Variants in PCDHGC5 observed in about 807,000 individuals in gnomAD.
PCDHGC5 encodes protocadherin gamma subfamily C, 5.
PCDHGC5 carries 25 observed loss-of-function variants against 59.0 expected under a neutral mutation model. That is an observed-to-expected ratio of 0.42 (90% CI 0.31 to 0.59). The LOEUF is 0.59. PCDHGC5 is among the 20% of genes least tolerant of loss of function. The probability of loss-of-function intolerance (pLI) is 0.13; values close to 1 mark genes in which losing one functional copy is unlikely to be tolerated. For missense variants in PCDHGC5, 1,067 were observed against 1,206.4 expected, an observed-to-expected ratio of 0.88 and a Z score of 1.71; for synonymous variants, 434 against 505.5, an observed-to-expected ratio of 0.86 and a Z score of 1.90.
Position 141,493,957 on chromosome 5 carries a change from G to A in PCDHGC5, c.2461-850G>A, listed in dbSNP as rs1360777586. 6.6e-6 allele frequency among the ~76,000 whole-genome samples: 1 copy of A among 152,228 alleles called. No individual in the cohort carries two copies. The highest frequency in any genetic ancestry group is 2.4e-5 in the African/African-American group (1 of 41,458). On this transcript the variant is annotated intron_variant, in intron 1 of 3. Coordinates refer to ENST00000252087, the MANE Select transcript of PCDHGC5 (RefSeq NM_018929.3). This position sits in a 1 kb window ranked among gnomAD's most constrained non-coding sequence, Gnocchi z 4.3. ...AGACCAGAAGGGACTCAGGAATGAA[G>A]TGGCTGGCCAGAGCCCCACACCTTC... is the stretch of plus-strand genomic sequence containing the variant.
chr5:141,494,775 A>G (rs1202233200), intron 1 of PCDHGC5, 32 bp from the exon 2 acceptor site: 1 of 1,613,580 alleles, frequency 6.2e-7, no homozygotes. Flanking sequence ...TCTCACGGGT[A>G]CTCAGCCCCT....
chr5:141,509,199 GTC>G (rs1017134758), intron 3 of PCDHGC5, among the ~76,000 whole-genome samples: 1 of 152,070 alleles, frequency 6.6e-6, no homozygotes, highest in Non-Finnish European at 1.5e-5. Context: ...AATATTTCCT[GTC>G]TCTCTATTTC....
chr5:141,505,302 G>GTAC, intron 2 of PCDHGC5, 91 bp from the exon 3 acceptor site: 5 of 1,592,714 alleles, frequency 3.1e-6, no homozygotes, highest in Non-Finnish European at 4.3e-6. Context: ...TAGGGTTAGG[G>GTAC]TACTAGGTTT....
intron 2 of PCDHGC5, among the ~76,000 whole-genome samples, chr5:141,500,469 A>G (rs917974103): frequency 1.3e-5 from 2 of 152,052 alleles, no homozygotes; most frequent in East Asian, 1.9e-4. Context: ...TCGGCCTCCC[A>G]AAGTGCTGGG....
In PCDHGC5 at chr5:141,491,149, G is replaced by T; in HGVS notation, c.1909G>T (p.Asp637Tyr). 6.8e-6 allele frequency: 11 copies of T among 1,614,152 alleles called. No homozygotes were observed. The highest frequency in any genetic ancestry group is 9.3e-6 in the Non-Finnish European group (11 of 1,180,010). Residue 637 changes from aspartate to tyrosine, a missense_variant, in exon 1 of 4, where the codon GAT becomes TAT. Asp to Tyr is a radical substitution (Grantham distance 160, BLOSUM62 -3). Transcript: ENST00000252087. This position sits in a 1 kb window ranked among gnomAD's most constrained non-coding sequence, Gnocchi z 6.9. ...GCGCACAGCCCGGGCCTTACTGGAGGATGACTCTGACACCCAGCAGGTGGT... is the reference window on the plus strand; with the variant it reads ...GCGCACAGCCCGGGCCTTACTGGAGTATGACTCTGACACCCAGCAGGTGGT... ...EVRTARALLE[D>Y]DSDTQQVVVL...
chr5:141,490,923 C>T lies in PCDHGC5; in HGVS notation c.1683C>T (p.Ala561=). The T allele has an allele frequency of 6.2e-7, 1 of 1,613,668 alleles. No homozygotes were observed. Among genetic ancestry groups the T allele is most frequent in the South Asian group, 1.1e-5 (1 of 91,050 alleles). The change falls in exon 1 of 4, where the codon GCC becomes GCT. Residue 561 remains alanine, a synonymous_variant. Coordinates refer to ENST00000252087, the MANE Select transcript of PCDHGC5 (RefSeq NM_018929.3). The surrounding 1 kb of genome is among the most constrained non-coding windows in gnomAD (Gnocchi z 5.4). ...TTGTCCTAGACGAGAATGATAATGC[C>T]CCAGCTGTGCTGCACCCACGGCCAG... ...HVFVLDENDN[A]PAVLHPRPDW... is the part of the protein sequence containing the mutation.
In PCDHGC5 at chr5:141,491,736, G is replaced by T; in HGVS notation, c.2460+36G>T. The T allele has an allele frequency of 6.2e-7, 1 of 1,600,560 alleles. No individual in the cohort carries two copies. Among genetic ancestry groups the T allele is most frequent in the Non-Finnish European group, 8.5e-7 (1 of 1,174,270 alleles). ...CGGCGCCGCCCCGGGCGACCCCTGG[G>T]GGCGGCACTGGAGAAGCCGCCCGTC... On this transcript the variant is annotated intron_variant, in intron 1 of 3. Coordinates refer to ENST00000252087, the MANE Select transcript of PCDHGC5 (RefSeq NM_018929.3). This position sits in a 1 kb window ranked among gnomAD's most constrained non-coding sequence, Gnocchi z 6.9.
At chr5:141,497,741 G>A (rs767561907) in intron 2 of PCDHGC5, among the ~76,000 whole-genome samples, 24 of 152,050 alleles carry the variant, frequency 1.6e-4, no homozygotes, top group Non-Finnish European at 2.6e-4. Context: ...GTTTCGCCAC[G>A]TTGGCCAGGC....
At chr5:141,505,345 G>C (rs776607130) in intron 2 of PCDHGC5, 48 bp from the exon 3 acceptor site, 3 of 1,613,086 alleles carry the variant, frequency 1.9e-6, no homozygotes, top group Non-Finnish European at 2.5e-6. Flanking sequence ...AGGGGCATGA[G>C]CTGTGCCGGC....
chr5:141,503,181 A>C (rs532503504), intron 2 of PCDHGC5, among the ~76,000 whole-genome samples: 54 of 152,060 alleles, frequency 3.6e-4, no homozygotes, highest in African/African-American at 1.3e-3. Context: ...TCTATTGTGT[A>C]ATTATTTAAA....
intron 2 of PCDHGC5, among the ~76,000 whole-genome samples, chr5:141,498,601 G>A (rs2099784606): frequency 6.6e-6 from 1 of 152,126 alleles, no homozygotes; most frequent in African/African-American, 2.4e-5. Flanking sequence ...CTTGGTTCAA[G>A]TTCAAGTCAG....
At position 141,511,219 on chromosome 5, in the gene PCDHGC5, G is replaced by A. The variant is rs1467284181; in HGVS notation, c.*46G>A. On this transcript the variant is annotated 3_prime_UTR_variant, in exon 4 of 4. Coordinates refer to ENST00000252087, the MANE Select transcript of PCDHGC5 (RefSeq NM_018929.3). ...CCACAGGGCGGCCTCTCCCCAACCA[G>A]CCCAGCTTCTCCTTACCTGCACCCA... 5 of 1,606,366 alleles carry A rather than the reference G, an allele frequency of 3.1e-6. No individual in the cohort carries two copies. The highest frequency in any genetic ancestry group is 2.7e-5 in the African/African-American group (2 of 74,686).
intron 2 of PCDHGC5, 40 bp from the exon 3 acceptor site, chr5:141,505,353 G>T (rs376781305): frequency 1.7e-5 from 27 of 1,613,426 alleles, no homozygotes; most frequent in Non-Finnish European, 2.0e-5. Flanking sequence ...GAGCTGTGCC[G>T]GCCTGGGAGT....
intron 2 of PCDHGC5, among the ~76,000 whole-genome samples, chr5:141,496,628 C>T (rs928402582): frequency 2.0e-5 from 3 of 152,212 alleles, no homozygotes; most frequent in Non-Finnish European, 2.9e-5. Flanking sequence ...GATCAAAAGG[C>T]TTGGGCTGCC....
chr5:141,498,673 T>C (rs1158071657), intron 2 of PCDHGC5, among the ~76,000 whole-genome samples: 1 of 152,180 alleles, frequency 6.6e-6, no homozygotes, highest in Non-Finnish European at 1.5e-5. Flanking sequence ...GGCTCACGCC[T>C]GTAATCCCAG....
intron 2 of PCDHGC5, among the ~76,000 whole-genome samples, chr5:141,495,623 C>T (rs990126072): frequency 3.3e-5 from 5 of 152,208 alleles, no homozygotes; most frequent in South Asian, 2.1e-4. Context: ...GCACCTCAGC[C>T]TCAGTCCCTT....
chr5:141,506,165 C>T (rs1359711670), intron 3 of PCDHGC5, among the ~76,000 whole-genome samples: 8 of 152,038 alleles, frequency 5.3e-5, no homozygotes, highest in South Asian at 2.1e-4. Context: ...AAGAGCACAG[C>T]CTAAGCTGGG....
rs966009387 is a variant in PCDHGC5, at chr5:141,511,564, G to A, written c.*391G>A. The A allele has an allele frequency of 3.0e-5, 9 of 295,900 alleles. No individual in the cohort carries two copies. The highest frequency in any genetic ancestry group is 4.6e-5 in the Non-Finnish European group (7 of 151,798). The allele number at this position is 295,900 out of a possible 1,614,324, so 18.3% of individuals were successfully genotyped here. A position where few individuals can be genotyped will look rare whatever the true frequency, so the allele number is the denominator to read the frequency against. ...CCCACTCCAACAGTTCCTCTTTCCC[G>A]AGTAAGGTGGTTGGGGTGTTGAAGT... On this transcript the variant is annotated 3_prime_UTR_variant, in exon 4 of 4. Transcript: ENST00000252087.
At chr5:141,510,277 A>C (rs1242709133) in intron 3 of PCDHGC5, among the ~76,000 whole-genome samples, 5 of 151,916 alleles carry the variant, frequency 3.3e-5, no homozygotes, top group Admixed American at 2.6e-4. Flanking sequence ...CATCTTAAAA[A>C]AAAAAAAAAA....
Sources: gnomAD v4.1 joint callset for allele counts (sites outside exome capture counted in the v4.1 genomes callset) on GRCh38, gnomAD v4.1.1 for gene constraint, Gnocchi (gnomAD v3.1) non-coding constraint, MANE v1.5 for transcripts, NCBI Gene and HGNC (gene_info 2026-07-23, HGNC 2026-07-21) for gene names.